PDE4D: variants seen among roughly 807,000 people sequenced by gnomAD.
PDE4D encodes the protein 3',5'-cyclic-AMP phosphodiesterase 4D.
A neutral mutation model predicts 87.4 loss-of-function variants in PDE4D; 24 were observed. The observed-to-expected ratio is 0.27, with a 90% confidence interval of 0.20 to 0.39. The LOEUF is 0.39. Ranked by LOEUF, PDE4D falls within the 10% of genes least tolerant of loss-of-function variation. The pLI is 1.00. For synonymous variants in PDE4D, 384 were observed against 383.2 expected (o/e 1.00, Z -0.02); for missense variants, 714 against 1,041.0 (o/e 0.69, Z 4.32).
chr5:60,492,050 C>T (rs1230360593), upstream of PDE4D, among the ~76,000 whole-genome samples: 2 of 151,510 alleles, frequency 1.3e-5, no homozygotes, highest in Non-Finnish European at 2.9e-5. Context: ...GTGCAGCGCA[C>T]CAGCATGGCA....
intron 1 of PDE4D, among the ~76,000 whole-genome samples, chr5:60,205,614 G>A (rs1742417359): frequency 1.3e-5 from 2 of 152,084 alleles, no homozygotes; most frequent in Non-Finnish European, 1.5e-5. Context: ...GGTGGGGCAT[G>A]GTGGCTCACG....
At chr5:59,576,192 C>A (rs1046663160) in intron 1 of PDE4D, among the ~76,000 whole-genome samples, 1 of 152,176 alleles carries the variant, frequency 6.6e-6, no homozygotes, top group East Asian at 1.9e-4. Context: ...TTCACAGCAA[C>A]CCTATGCAAT....
rs1188321521 is a variant in PDE4D at position 60,076,148 on chromosome 5, C to T, written c.43-87431G>A. The stretch of plus-strand genomic sequence containing the variant: ...TTCTCATCTTTGTGGTCTGATGTTC[C>T]TCCAATCTTTTTCGAATTTTTTTTT... On this transcript the variant is annotated intron_variant, in intron 2 of 16. Transcript: ENST00000502484. 4.7e-5 allele frequency among the ~76,000 whole-genome samples: 7 copies of T among 148,326 alleles called. No individual in the cohort carries two copies. The Admixed American group carries it at 4.7e-4, about 10-fold the overall frequency.
chr5:60,234,264 A>G (rs1231041720), intron 1 of PDE4D, among the ~76,000 whole-genome samples: 1 of 151,854 alleles, frequency 6.6e-6, no homozygotes, highest in Non-Finnish European at 1.5e-5. Context: ...ATGTTGTAGC[A>G]TATATCAATA....
chr5:59,975,871 G>A (rs1761269002), intron 3 of PDE4D, among the ~76,000 whole-genome samples: 1 of 152,146 alleles, frequency 6.6e-6, no homozygotes, highest in Non-Finnish European at 1.5e-5. Flanking sequence ...TTGGTCTCAG[G>A]TTAGGTGTTA....
chr5:59,863,489 C>T (rs182934435), intron 1 of PDE4D, among the ~76,000 whole-genome samples: 116 of 152,136 alleles, frequency 7.6e-4, no homozygotes, highest in African/African-American at 2.7e-3. Context: ...TAGAAAATTT[C>T]GAATGAAGCA....
At chr5:60,355,847 G>A (rs1471089345) in intron 1 of PDE4D, among the ~76,000 whole-genome samples, 1 of 142,246 alleles carries the variant, frequency 7.0e-6, no homozygotes, top group African/African-American at 2.5e-5. Context: ...TTTGCATTGA[G>A]TAGGCTCAGG....
intron 1 of PDE4D, among the ~76,000 whole-genome samples, chr5:60,461,652 C>T (rs1561282476): frequency 6.6e-6 from 1 of 152,200 alleles, no homozygotes; most frequent in Non-Finnish European, 1.5e-5. Context: ...AGTTTTCCTA[C>T]CTTCATGCTC....
chr5:59,158,247 A>G (rs1451553624), intron 5 of PDE4D, among the ~76,000 whole-genome samples: 1 of 152,226 alleles, frequency 6.6e-6, no homozygotes, highest in Non-Finnish European at 1.5e-5. Context: ...TTAGCAAGCA[A>G]AATAATAGGC....
At chr5:59,924,999 C>T (rs2152781864) in intron 3 of PDE4D, among the ~76,000 whole-genome samples, 1 of 151,746 alleles carries the variant, frequency 6.6e-6, no homozygotes, top group African/African-American at 2.4e-5. Context: ...CATGGTGAAA[C>T]CCCGTCTCTA....
chr5:59,827,271 G>A (rs944016455), intron 1 of PDE4D, among the ~76,000 whole-genome samples: 3 of 151,946 alleles, frequency 2.0e-5, no homozygotes, highest in Non-Finnish European at 2.9e-5. Flanking sequence ...GAGTCAACAA[G>A]CAGAAGTAGT....
intron 1 of PDE4D, among the ~76,000 whole-genome samples, chr5:59,884,010 G>GA (rs1749819179): frequency 6.6e-6 from 1 of 151,914 alleles, no homozygotes; most frequent in African/African-American, 2.4e-5. Context: ...TACAAAAGGA[G>GA]AAAATACATG....
In PDE4D at chr5:60,258,912, A is replaced by C. The variant is rs1749366409; in HGVS notation, c.-89-73225T>G. ...ATATATACAATATGATTACAACTAT[A>C]CATAAAAATTATCTTTGCAGGAAAT... On this transcript the variant is annotated intron_variant, in intron 1 of 16. Transcript: ENST00000502484. 2.0e-5 allele frequency among the ~76,000 whole-genome samples: 3 copies of C among 152,102 alleles called. No homozygotes were observed. In the East Asian group the frequency reaches 5.8e-4, roughly 29 times the overall value.
intron 1 of PDE4D, among the ~76,000 whole-genome samples, chr5:59,865,902 C>T (rs540462768): frequency 6.6e-6 from 1 of 152,202 alleles, no homozygotes; most frequent in Non-Finnish European, 1.5e-5. Context: ...TGCAAACAAT[C>T]CAACCTAAGT....
chr5:59,373,250 T>G (rs1784216218), intron 1 of PDE4D, among the ~76,000 whole-genome samples: 1 of 152,116 alleles, frequency 6.6e-6, no homozygotes, highest in South Asian at 2.1e-4. Flanking sequence ...CAGGAGTATG[T>G]TGAAACCCAA....
intron 1 of PDE4D, among the ~76,000 whole-genome samples, chr5:59,673,911 A>T (rs1011019930): frequency 1.3e-5 from 2 of 152,166 alleles, no homozygotes; most frequent in East Asian, 3.8e-4. Flanking sequence ...TTCCGAAATA[A>T]ATATCTTCAC....
intron 9 of PDE4D, among the ~76,000 whole-genome samples, chr5:58,990,554 T>C (rs1434450358): frequency 6.6e-6 from 1 of 152,176 alleles, no homozygotes; most frequent in African/African-American, 2.4e-5. Context: ...AATAAATTGC[T>C]TCAATTTGGC....
chr5:59,095,190 T>G (rs972638786), intron 5 of PDE4D, among the ~76,000 whole-genome samples: 1 of 151,670 alleles, frequency 6.6e-6, no homozygotes, highest in Non-Finnish European at 1.5e-5. Flanking sequence ...TGCTATCAAC[T>G]AATGACCCAC....
chr5:59,877,146 T>C lies in PDE4D; in HGVS notation c.455+16022A>G, dbSNP rs528741184. Among the ~76,000 whole-genome samples the C allele has an allele frequency of 5.9e-5, 9 of 152,294 alleles. No individual in the cohort carries two copies. In the South Asian group the frequency reaches 1.9e-3, roughly 32 times the overall value. ...TCTTGTCAGGTGTGGGTCTTAAGAA[T>C]AGTCATCCTAGAGAAACAAGCAAAA... On this transcript the variant is annotated intron_variant, in intron 1 of 14. Transcript: ENST00000340635.
Sources: allele counts gnomAD v4.1 joint callset (sites outside exome capture counted in the v4.1 genomes callset), GRCh38; gene constraint gnomAD v4.1.1; transcripts MANE v1.5; gene names NCBI Gene and HGNC (gene_info 2026-07-23, HGNC 2026-07-21).